Variants in CELSR1 observed in about 807,000 individuals in gnomAD.
The protein encoded by CELSR1 is adhesion G protein-coupled receptor C1.
Under a neutral mutation model 249.1 loss-of-function variants are expected in CELSR1, and 110 were observed. The ratio of observed to expected loss-of-function variants is 0.44; its 90% confidence interval spans 0.38 to 0.52. The LOEUF (loss-of-function observed/expected upper bound fraction) is 0.52. Among genes scored for constraint, CELSR1 ranks in the 20% least tolerant of loss-of-function variants. CELSR1 has a pLI of 0.00. For missense variants in CELSR1, 4,109 were observed against 4,296.4 expected (o/e 0.96, Z 1.22); for synonymous variants, 2,113 against 1,900.0 (o/e 1.11, Z -2.92).
Position 46,411,724 on chromosome 22 carries a change from C to T in CELSR1, c.4647G>A (p.Pro1549=), listed in dbSNP as rs577948297. 26 of 1,614,216 alleles carry T rather than the reference C, an allele frequency of 1.6e-5. No homozygotes were observed. Among genetic ancestry groups the T allele is most frequent in the African/African-American group, 1.3e-4 (10 of 75,078 alleles). The change falls in exon 6 of 35, where the codon CCG becomes CCA. Residue 1549 remains proline (P), a synonymous_variant. Transcript: ENST00000674500. The surrounding 1 kb of genome is among the most constrained non-coding windows in gnomAD (Gnocchi z 4.2). ...NIGHLGLPHG[P]SGEKMAVVTV... ...TCACCACGGCCATCTTTTCCCCGGA[C>T]GGCCCATGGGGCAGGCCCAGGTGGC... is the stretch of plus-strand genomic sequence containing the variant.
chr22:46,443,052 C>T (rs1212991417), intron 2 of CELSR1, among the ~76,000 whole-genome samples: 2 of 151,598 alleles, frequency 1.3e-5, no homozygotes, highest in East Asian at 3.9e-4. Flanking sequence ...GAGCCGAGAT[C>T]GCACCGCGGC....
At position 46,399,437 on chromosome 22, in the gene CELSR1, G is replaced by A. The variant is rs1202571107; in HGVS notation, c.5412+280C>T. Among the ~76,000 whole-genome samples, 1 of 152,208 alleles carries A rather than the reference G, an allele frequency of 6.6e-6. No individual in the cohort carries two copies. The highest frequency in any genetic ancestry group is 6.5e-5 in the Admixed American group (1 of 15,280). ...GTTGCTCAAGATGGCTTTGCTAAAA[G>A]AAACCACTGCTGAAGGCACCAACAG... On this transcript the variant is annotated intron_variant, in intron 10 of 34. Coordinates refer to ENST00000674500, the MANE Select transcript of CELSR1 (RefSeq NM_001378328.1). This position sits in a 1 kb window ranked among gnomAD's most constrained non-coding sequence, Gnocchi z 5.0.
rs546152459 is a variant in CELSR1 at position 46,375,745 on chromosome 22, T to C, written c.7584+1316A>G. Among the ~76,000 whole-genome samples, 418 of 152,270 alleles carry C rather than the reference T, an allele frequency of 2.7e-3. 5 individuals carry two copies. The highest frequency in any genetic ancestry group is 9.9e-3 in the African/African-American group (411 of 41,544). Reference sequence around the variant, plus strand: ...TTTTAGTAAAGACAGGGTTTCACCATGTTGGCCAGGTTGGCCTCGAACTCC... The same window carrying C: ...TTTTAGTAAAGACAGGGTTTCACCACGTTGGCCAGGTTGGCCTCGAACTCC... On this transcript the variant is annotated intron_variant, in intron 24 of 34. Transcript: ENST00000674500.
rs1352715434 is a variant in CELSR1 at position 46,534,641 on chromosome 22, T to C, written c.2530A>G (p.Met844Val). Residue 844 changes from methionine to valine, a missense_variant, in exon 1 of 35, where the codon ATG becomes GTG. This residue lies in a region of CELSR1 where 886 missense variants were observed against 896.5 expected (regional missense o/e 0.99). Transcript: ENST00000674500. This position sits in a 1 kb window ranked among gnomAD's most constrained non-coding sequence, Gnocchi z 9.7. Reference protein sequence around the residue: ...QFRIDPDSGTMYTMMELDYEN... With the variant: ...QFRIDPDSGTVYTMMELDYEN... ...TAGTCCAGCTCCATCATGGTGTACATGGTGCCACTGTCGGGGTCAATGCGG... is the reference window on the plus strand; with the variant it reads ...TAGTCCAGCTCCATCATGGTGTACACGGTGCCACTGTCGGGGTCAATGCGG... The C allele has an allele frequency of 6.2e-7, 1 of 1,613,894 alleles. No homozygotes were observed. Among genetic ancestry groups the C allele is most frequent in the Non-Finnish European group, 8.5e-7 (1 of 1,180,018 alleles).
rs1395587605 is a variant in CELSR1 at position 46,445,287 on chromosome 22, A to G, written c.4184-5876T>C. Among the ~76,000 whole-genome samples the G allele has an allele frequency of 2.0e-5, 3 of 152,164 alleles. No homozygotes were observed. The highest frequency in any genetic ancestry group is 7.2e-5 in the African/African-American group (3 of 41,434). On this transcript the variant is annotated intron_variant, in intron 2 of 34. Coordinates refer to ENST00000674500, the MANE Select transcript of CELSR1 (RefSeq NM_001378328.1). This position sits in a 1 kb window ranked among gnomAD's most constrained non-coding sequence, Gnocchi z 4.4. ...GGCAGGTGGATCACCTGAGGTCAGG[A>G]GTTCGAGACCAGCCTGGCCAATGTG...
Position 46,403,926 on chromosome 22 carries a change from T to C in CELSR1, c.5227-4024A>G, listed in dbSNP as rs545564589. Among the ~76,000 whole-genome samples the C allele has an allele frequency of 2.1e-5, 3 of 145,592 alleles. No homozygotes were observed. In the South Asian group the frequency reaches 6.5e-4, roughly 32 times the overall value. ...AGGTGGAGGCTGCAGTGAGCTGAGA[T>C]TGCACCACTGCACTCCAGCCTGGTG... On this transcript the variant is annotated intron_variant, in intron 9 of 34. Coordinates refer to ENST00000674500, the MANE Select transcript of CELSR1 (RefSeq NM_001378328.1).
chr22:46,370,154 G>A (rs1394109689), intron 25 of CELSR1: 11 of 468,644 alleles, frequency 2.3e-5, no homozygotes, highest in Non-Finnish European at 3.4e-5. Context: ...GACCCTGCCA[G>A]CTGGGCCATG....
intron 5 of CELSR1, among the ~76,000 whole-genome samples, chr22:46,418,029 A>T (rs2041975481): frequency 6.6e-6 from 1 of 152,256 alleles, no homozygotes; most frequent in African/African-American, 2.4e-5. Flanking sequence ...GGGGGTAAAA[A>T]TAGCATCTTC....
In CELSR1 at chr22:46,363,933, C is replaced by T; in HGVS notation, c.9035+63G>A. 1 of 1,478,990 alleles carries T rather than the reference C, an allele frequency of 6.8e-7. No individual in the cohort carries two copies. Among genetic ancestry groups the T allele is most frequent in the Non-Finnish European group, 9.0e-7 (1 of 1,113,566 alleles). 91.6% of individuals were successfully genotyped at this position (1,478,990 alleles called of 1,614,324 possible). ...CAGGTCCCTGACCACTGCCCCCTCT[C>T]TCTCCTGACTCAGGACAAGGGGGAA... On this transcript the variant is annotated intron_variant, in intron 34 of 34. Transcript: ENST00000674500. This position sits in a 1 kb window ranked among gnomAD's most constrained non-coding sequence, Gnocchi z 4.3.
rs1264419394 is a variant in CELSR1 at position 46,410,635 on chromosome 22, G to A, written c.4770-74C>T. On this transcript the variant is annotated intron_variant, in intron 6 of 34. Coordinates refer to ENST00000674500, the MANE Select transcript of CELSR1 (RefSeq NM_001378328.1). This position sits in a 1 kb window ranked among gnomAD's most constrained non-coding sequence, Gnocchi z 6.8. ...CCACGGCGGGCTGGGCTCCGCAGTTGCCTCTGTGTAGCCTCTACCACCATA... is the reference window on the plus strand; with the variant it reads ...CCACGGCGGGCTGGGCTCCGCAGTTACCTCTGTGTAGCCTCTACCACCATA... 1.5e-5 allele frequency: 22 copies of A among 1,517,094 alleles called. 1 individual carries two copies. In the East Asian group the frequency reaches 5.0e-4, roughly 35 times the overall value. 94.0% of individuals were successfully genotyped at this position (1,517,094 alleles called of 1,614,324 possible). A position where few individuals can be genotyped will look rare whatever the true frequency, so the allele number is the denominator to read the frequency against.
chr22:46,409,955 G>T lies in CELSR1; in HGVS notation c.4934-75C>A. 1.9e-6 allele frequency: 3 copies of T among 1,587,660 alleles called. No homozygotes were observed. The highest frequency in any genetic ancestry group is 2.6e-6 in the Non-Finnish European group (3 of 1,170,514). ...GGTCCCCGGCGCCAGACGTGGCGTG[G>T]GAAACCAGGACGGAATGGACCCGGG... is the stretch of plus-strand genomic sequence containing the variant. On this transcript the variant is annotated intron_variant, in intron 7 of 34. Transcript: ENST00000674500. The surrounding 1 kb of genome is among the most constrained non-coding windows in gnomAD (Gnocchi z 9.8).
Position 46,448,201 on chromosome 22 carries a change from G to T in CELSR1, c.4184-8790C>A, listed in dbSNP as rs1036316853. ...TGCTCCTGGTCTGTGAACAAGGAAG[G>T]GGGTGCCCAGAGGGTCTCCACATCA... On this transcript the variant is annotated intron_variant, in intron 2 of 34. Coordinates refer to ENST00000674500, the MANE Select transcript of CELSR1 (RefSeq NM_001378328.1). This position sits in a 1 kb window ranked among gnomAD's most constrained non-coding sequence, Gnocchi z 5.7. Among the ~76,000 whole-genome samples the T allele has an allele frequency of 7.2e-5, 11 of 152,254 alleles. No individual in the cohort carries two copies. Among genetic ancestry groups the T allele is most frequent in the Admixed American group, 2.6e-4 (4 of 15,290 alleles).
chr22:46,386,327 C>A, intron 19 of CELSR1, 75 bp downstream of exon 19: 1 of 1,416,178 alleles, frequency 7.1e-7, no homozygotes, highest in Non-Finnish European at 9.3e-7. Flanking sequence ...ACCTGCTTCA[C>A]CCCATGGGGG....
chr22:46,415,931 TG>T lies in CELSR1; in HGVS notation c.4612-4173del, dbSNP rs568359740. ...CCATTTTTGTCAAAGGAAGACAAAG[TG>T]CGTCTCCGCTGAAAGGCCGGCGTGG... On this transcript the variant is annotated intron_variant, in intron 5 of 34. Transcript: ENST00000674500. Among the ~76,000 whole-genome samples, 4 of 152,170 alleles carry T rather than the reference TG, an allele frequency of 2.6e-5. No homozygotes were observed. The South Asian group carries it at 8.3e-4, about 32-fold the overall frequency.
In CELSR1 at chr22:46,390,021, G is replaced by A. The variant is rs1417586056; in HGVS notation, c.6345+371C>T. 6.6e-6 allele frequency among the ~76,000 whole-genome samples: 1 copy of A among 152,192 alleles called. No individual in the cohort carries two copies. The highest frequency in any genetic ancestry group is 1.5e-5 in the Non-Finnish European group (1 of 68,036). On this transcript the variant is annotated intron_variant, in intron 17 of 34. Coordinates refer to ENST00000674500, the MANE Select transcript of CELSR1 (RefSeq NM_001378328.1). This position sits in a 1 kb window ranked among gnomAD's most constrained non-coding sequence, Gnocchi z 6.3. ...TGACAGCTAGACCATGGAAACGAGGGTCTGGTGGGCCAAAGAGGGCTCAGA... is the reference window on the plus strand; with the variant it reads ...TGACAGCTAGACCATGGAAACGAGGATCTGGTGGGCCAAAGAGGGCTCAGA...
Position 46,410,711 on chromosome 22 carries a change from G to A in CELSR1, c.4770-150C>T. ...GCGGGGAGAGGCCAAAGTCAGAGGG[G>A]GCTCCTGTGTCTGGTGCCGCCACTG... On this transcript the variant is annotated intron_variant, in intron 6 of 34. Transcript: ENST00000674500. The surrounding 1 kb of genome is among the most constrained non-coding windows in gnomAD (Gnocchi z 6.8). 3 of 728,016 alleles carry A rather than the reference G, an allele frequency of 4.1e-6. No individual in the cohort carries two copies. Among genetic ancestry groups the A allele is most frequent in the Non-Finnish European group, 6.7e-6 (3 of 449,062 alleles). 45.1% of individuals were successfully genotyped at this position (728,016 alleles called of 1,614,324 possible). A position where few individuals can be genotyped will look rare whatever the true frequency, so the allele number is the denominator to read the frequency against.
intron 5 of CELSR1, among the ~76,000 whole-genome samples, chr22:46,414,466 AG>A (rs1235196838): frequency 6.7e-6 from 1 of 149,666 alleles, no homozygotes; most frequent in Admixed American, 6.6e-5. Flanking sequence ...ACCCCTGAAT[AG>A]GTGCTGAGTG....
rs372845619 is a variant in CELSR1 at position 46,409,644 on chromosome 22, G to A, written c.5059+111C>T. On this transcript the variant is annotated intron_variant, in intron 8 of 34. Coordinates refer to ENST00000674500, the MANE Select transcript of CELSR1 (RefSeq NM_001378328.1). This position sits in a 1 kb window ranked among gnomAD's most constrained non-coding sequence, Gnocchi z 9.8. ...ACAGTAAATGCAGCATATACCACCA[G>A]AGGCTGCCGGACCTGGATGTGAAGC... is the stretch of plus-strand genomic sequence containing the variant. The A allele has an allele frequency of 1.5e-6, 2 of 1,322,352 alleles. No individual in the cohort carries two copies. Among genetic ancestry groups the A allele is most frequent in the Non-Finnish European group, 2.1e-6 (2 of 941,100 alleles). The allele number at this position is 1,322,352 out of a possible 1,614,324, so 81.9% of individuals were successfully genotyped here.
chr22:46,456,912 C>G (rs1271940985), intron 2 of CELSR1, among the ~76,000 whole-genome samples: 3 of 151,448 alleles, frequency 2.0e-5, no homozygotes, highest in African/African-American at 7.3e-5. Context: ...GTGGGGGGCT[C>G]ATACAGGACA....
Sources: gnomAD v4.1 joint callset for allele counts (sites outside exome capture counted in the v4.1 genomes callset) on GRCh38, gnomAD v4.1.1 for gene constraint, gnomAD v4.1.1 regional missense constraint, Gnocchi (gnomAD v3.1) non-coding constraint, MANE v1.5 for transcripts, NCBI Gene and HGNC (gene_info 2026-07-23, HGNC 2026-07-21) for gene names.